NAALADL2: variants seen among roughly 807,000 people sequenced by gnomAD.
NAALADL2 encodes N-acetylated alpha-linked acidic dipeptidase like 2.
Under a neutral mutation model 87.2 loss-of-function variants are expected in NAALADL2, and 76 were observed. The observed-to-expected ratio is 0.87, with a 90% CI of 0.72 to 1.05. The LOEUF is 1.05. NAALADL2 is among the 50% of genes least tolerant of loss of function. The probability of loss-of-function intolerance (pLI) is 0.00; values close to 1 mark genes in which losing one functional copy is unlikely to be tolerated. For synonymous variants in NAALADL2, 354 were observed against 331.0 expected (o/e 1.07, Z -0.75); for missense variants, 1,089 against 945.8 (o/e 1.15, Z -1.99).
chr3:175,564,074 A>C (rs575605494), intron 9 of NAALADL2, among the ~76,000 whole-genome samples: 1 of 152,196 alleles, frequency 6.6e-6, no homozygotes, highest in Admixed American at 6.5e-5. Context: ...TTGAAATGGT[A>C]ATGTGTGGTG....
At chr3:175,245,573 A>G (rs13080669) in intron 3 of NAALADL2, among the ~76,000 whole-genome samples, 58,620 of 152,018 alleles carry the variant, frequency 0.39, 11,492 homozygotes, top group South Asian at 0.44. Flanking sequence ...TGGTTTATCT[A>G]TGTTATTTGT....
At chr3:175,627,658 C>T (rs144232576) in intron 11 of NAALADL2, among the ~76,000 whole-genome samples, 69 of 151,678 alleles carry the variant, frequency 4.5e-4, no homozygotes, top group African/African-American at 1.4e-3. Context: ...CTTGGGCTAG[C>T]GCTGGAACTC....
chr3:175,185,375 G>A (rs963679832), intron 2 of NAALADL2, among the ~76,000 whole-genome samples: 3 of 151,954 alleles, frequency 2.0e-5, no homozygotes, highest in African/African-American at 4.8e-5. Flanking sequence ...AAAGAAAAAT[G>A]TAAATCACCC....
chr3:174,505,916 T>C (rs1719174370), intron 1 of NAALADL2, among the ~76,000 whole-genome samples: 1 of 152,122 alleles, frequency 6.6e-6, no homozygotes, highest in Non-Finnish European at 1.5e-5. Flanking sequence ...AAATGAAACT[T>C]TTCCTAATTT....
intron 11 of NAALADL2, among the ~76,000 whole-genome samples, chr3:175,666,596 A>C (rs1340426412): frequency 1.3e-5 from 2 of 152,210 alleles, no homozygotes; most frequent in Non-Finnish European, 2.9e-5. Context: ...TATCATTATT[A>C]TGCACGATGA....
At chr3:175,083,329 A>G (rs1384944113) in intron 1 of NAALADL2, among the ~76,000 whole-genome samples, 1 of 152,226 alleles carries the variant, frequency 6.6e-6, no homozygotes, top group Non-Finnish European at 1.5e-5. Context: ...TTTATCTCCC[A>G]ACATCTGCAG....
intron 5 of NAALADL2, among the ~76,000 whole-genome samples, chr3:175,374,530 T>A (rs1766875735): frequency 8.8e-6 from 1 of 113,290 alleles, no homozygotes; most frequent in Admixed American, 1.4e-4. Flanking sequence ...GTTGACAGAG[T>A]GCTGAGTACC....
At chr3:175,507,235 CT>C (rs1367385086) in intron 9 of NAALADL2, among the ~76,000 whole-genome samples, 4 of 152,030 alleles carry the variant, frequency 2.6e-5, no homozygotes, top group Admixed American at 2.0e-4. Context: ...CTAACAGTGC[CT>C]GTTTCTAGGT....
rs549498860 is a variant in NAALADL2 at position 175,488,994 on chromosome 3, CT to C, written c.1653+17238del. Among the ~76,000 whole-genome samples the C allele has an allele frequency of 1.6e-3, 249 of 152,146 alleles. 3 individuals carry two copies. The highest frequency in any genetic ancestry group is 5.7e-3 in the African/African-American group (235 of 41,526). ...GCAGCCATGGCAGCAGTTGCTGGGG[CT>C]TAACAGACCAGGATTTCATCTTAAC... On this transcript the variant is annotated intron_variant, in intron 9 of 13. Transcript: ENST00000454872.
chr3:174,807,592 C>A (rs1719656235), intron 3 of NAALADL2, among the ~76,000 whole-genome samples: 2 of 151,946 alleles, frequency 1.3e-5, no homozygotes, highest in African/African-American at 4.8e-5. Flanking sequence ...TTGTAGTTTG[C>A]AAGTATATAT....
chr3:175,274,861 TG>T (rs1753352633), intron 4 of NAALADL2, among the ~76,000 whole-genome samples: 4 of 152,194 alleles, frequency 2.6e-5, no homozygotes, highest in African/African-American at 7.2e-5. Flanking sequence ...TTCATTTTAT[TG>T]ACATAGTTAT....
chr3:174,926,923 G>A (rs1213890089), intron 1 of NAALADL2, among the ~76,000 whole-genome samples: 1 of 151,308 alleles, frequency 6.6e-6, no homozygotes, highest in Admixed American at 6.6e-5. Flanking sequence ...ATTGGATAAA[G>A]AGTCAAGACT....
chr3:174,809,902 GATA>G (rs1315460422), intron 3 of NAALADL2, among the ~76,000 whole-genome samples: 6 of 152,206 alleles, frequency 3.9e-5, no homozygotes, highest in Middle Eastern at 3.4e-3. Flanking sequence ...CTGTTCTCAT[GATA>G]ATGATAGAGT....
chr3:175,292,920 C>A (rs2110156490), intron 4 of NAALADL2, among the ~76,000 whole-genome samples: 1 of 151,330 alleles, frequency 6.6e-6, no homozygotes, highest in South Asian at 2.1e-4. Context: ...GCCTGTAGTC[C>A]CAGCTACTCG....
intron 1 of NAALADL2, among the ~76,000 whole-genome samples, chr3:174,984,521 C>G (rs1292414256): frequency 1.3e-5 from 2 of 151,962 alleles, no homozygotes; most frequent in African/African-American, 4.8e-5. Context: ...AGTGCAAAAC[C>G]CAATGGATCA....
intron 1 of NAALADL2, among the ~76,000 whole-genome samples, chr3:174,946,374 C>T (rs548185469): frequency 2.0e-4 from 30 of 152,166 alleles, no homozygotes; most frequent in Middle Eastern, 3.4e-3. Flanking sequence ...TTTGGAGTCA[C>T]GCTACCTAGA....
At chr3:175,021,259 T>C (rs1385533624) in intron 1 of NAALADL2, among the ~76,000 whole-genome samples, 1 of 152,076 alleles carries the variant, frequency 6.6e-6, no homozygotes, top group Non-Finnish European at 1.5e-5. Flanking sequence ...AAACAGGACT[T>C]TAAATTCAAT....
intron 5 of NAALADL2, among the ~76,000 whole-genome samples, chr3:175,422,870 C>T (rs986157568): frequency 2.6e-5 from 4 of 151,586 alleles, no homozygotes; most frequent in Non-Finnish European, 4.4e-5. Context: ...ATACGTTTCT[C>T]ATAACTTTAT....
chr3:174,917,286 G>A (rs1343076469), intron 1 of NAALADL2, among the ~76,000 whole-genome samples: 1 of 152,046 alleles, frequency 6.6e-6, no homozygotes, highest in Admixed American at 6.6e-5. Context: ...AGAACCTGTT[G>A]ATGAAACAAT....
Sources: gnomAD v4.1 joint callset for allele counts (sites outside exome capture counted in the v4.1 genomes callset) on GRCh38, gnomAD v4.1.1 for gene constraint, MANE v1.5 for transcripts, NCBI Gene and HGNC (gene_info 2026-07-23, HGNC 2026-07-21) for gene names.